Variants in GJB2 observed in about 807,000 individuals in gnomAD.
GJB2 encodes gap junction beta-2 protein.
In GJB2, 30 loss-of-function variants were observed where a neutral mutation model predicts 16.0. That is an observed-to-expected ratio of 1.88 (90% CI 1.41 to 2.55). The LOEUF (loss-of-function observed/expected upper bound fraction) is 2.55, where lower values mean the gene tolerates loss of function less well. GJB2 is among the 30% of genes most tolerant of loss of function. The pLI is 0.00. For missense variants in GJB2, 284 were observed against 289.7 expected (o/e 0.98, Z 0.14); for synonymous variants, 123 against 119.1 (o/e 1.03, Z -0.21).
rs1959052316 is a variant in GJB2, at chr13:20,188,550, T to A, written c.*351A>T. ...TCTGTGTCCTCTGTGGAACCTGGCTTTTTTCTCTTGTCCTCAGAGAAAGAA... is the reference window on the plus strand; with the variant it reads ...TCTGTGTCCTCTGTGGAACCTGGCTATTTTCTCTTGTCCTCAGAGAAAGAA... On this transcript the variant is annotated 3_prime_UTR_variant, in exon 2 of 2. Coordinates refer to ENST00000382848, the MANE Select transcript of GJB2 (RefSeq NM_004004.6). 8.3e-6 allele frequency: 2 copies of A among 240,182 alleles called. No individual in the cohort carries two copies. The highest frequency in any genetic ancestry group is 4.6e-5 in the African/African-American group (2 of 43,878). 14.9% of individuals were successfully genotyped at this position (240,182 alleles called of 1,614,324 possible). A position where few individuals can be genotyped will look rare whatever the true frequency, so the allele number is the denominator to read the frequency against.
chr13:20,192,294 C>A lies in GJB2; in HGVS notation c.-23+489G>T, dbSNP rs527523575. ...TAGGCAAACTCCGCCCAAATCTCTGCCCGGGGATTTTTCTGCAGAAGCCGC... is the reference window on the plus strand; with the variant it reads ...TAGGCAAACTCCGCCCAAATCTCTGACCGGGGATTTTTCTGCAGAAGCCGC... On this transcript the variant is annotated intron_variant, in intron 1 of 1. Transcript: ENST00000382848. Among the ~76,000 whole-genome samples, 64 of 152,328 alleles carry A rather than the reference C, an allele frequency of 4.2e-4. 1 individual carries two copies. In the South Asian group the frequency reaches 0.013, roughly 31 times the overall value.
chr13:20,189,536 G>A lies in GJB2; in HGVS notation c.46C>T (p.His16Tyr), dbSNP rs762466001. The change falls in exon 2 of 2, where the codon CAC becomes TAC. Residue 16 changes from histidine to tyrosine, a missense_variant. By Grantham distance (83) the His-to-Tyr change is moderately conservative. Transcript: ENST00000382848. ...CAGATCTTTCCAATGCTGGTGGAGT[G>A]TTTGTTCACACCCCCCAGGATCGTC... is the stretch of plus-strand genomic sequence containing the variant. The part of the protein sequence containing the change: ...LQTILGGVNK[H>Y]STSIGKIWLT... 6.2e-7 allele frequency: 1 copy of A among 1,614,066 alleles called. No individual in the cohort carries two copies. The highest frequency in any genetic ancestry group is 1.1e-5 in the South Asian group (1 of 91,074).
chr13:20,188,591 C>T lies in GJB2; in HGVS notation c.*310G>A. 1 of 337,196 alleles carries T rather than the reference C, an allele frequency of 3.0e-6. No individual in the cohort carries two copies. Among genetic ancestry groups the T allele is most frequent in the Non-Finnish European group, 5.4e-6 (1 of 183,720 alleles). The allele number at this position is 337,196 out of a possible 1,614,324, so 20.9% of individuals were successfully genotyped here. On this transcript the variant is annotated 3_prime_UTR_variant, in exon 2 of 2. Transcript: ENST00000382848. The stretch of plus-strand genomic sequence containing the variant: ...AGAGAAAGAAACAAATGCCGATATC[C>T]TCTGTTTAAAATATGAAAGTACCTT...
In GJB2 at chr13:20,187,532, T is replaced by C. The variant is rs180788420; in HGVS notation, c.*1369A>G. 1 of 152,356 alleles carries C rather than the reference T, an allele frequency of 6.6e-6. No individual in the cohort carries two copies. The allele number at this position is 152,356 out of a possible 1,614,324, so 9.4% of individuals were successfully genotyped here. A position where few individuals can be genotyped will look rare whatever the true frequency, so the allele number is the denominator to read the frequency against. On this transcript the variant is annotated 3_prime_UTR_variant, in exon 2 of 2. Coordinates refer to ENST00000382848, the MANE Select transcript of GJB2 (RefSeq NM_004004.6). ...TTGATACATTACAAAATTATTTTAGTTACAAGCATATCATTAAAGCTATTC... is the reference window on the plus strand; with the variant it reads ...TTGATACATTACAAAATTATTTTAGCTACAAGCATATCATTAAAGCTATTC...
Position 20,189,592 on chromosome 13 carries a change from G to A in GJB2, c.-11C>T. ...CGTGCCCCAATCCATCTTCTACTCTGGGCGGTTTGCTCTGGAAAAGACGAA... is the reference window on the plus strand; with the variant it reads ...CGTGCCCCAATCCATCTTCTACTCTAGGCGGTTTGCTCTGGAAAAGACGAA... On this transcript the variant is annotated 5_prime_UTR_variant, in exon 2 of 2. Transcript: ENST00000382848. The A allele has an allele frequency of 6.2e-7, 1 of 1,613,616 alleles. No homozygotes were observed. Among genetic ancestry groups the A allele is most frequent in the Non-Finnish European group, 8.5e-7 (1 of 1,179,724 alleles).
chr13:20,189,329 A>T lies in GJB2; in HGVS notation c.253T>A (p.Ser85Thr). Residue 85 changes from serine to threonine, a missense_variant, in exon 2 of 2, where the codon TCC becomes ACC. By Grantham distance (58) the Ser-to-Thr change is moderately conservative. Transcript: ENST00000382848. ...RLWALQLIFV[S>T]TPALLVAMHV... ...ATGGCCACTAGGAGCGCTGGCGTGG[A>T]CACGAAGATCAGCTGCAGGGCCCAT... The T allele has an allele frequency of 6.2e-7, 1 of 1,614,044 alleles. No individual in the cohort carries two copies. The highest frequency in any genetic ancestry group is 8.5e-7 in the Non-Finnish European group (1 of 1,180,014).
rs1203329629 is a variant in GJB2 at position 20,188,833 on chromosome 13, C to A, written c.*68G>T. On this transcript the variant is annotated 3_prime_UTR_variant, in exon 2 of 2. Transcript: ENST00000382848. ...GGAAATGCTAGCGACTGAGCCTTGA[C>A]AGCTGAGCACGGGTTGCCTCATCCC... 1.0e-5 allele frequency: 13 copies of A among 1,251,942 alleles called. No homozygotes were observed. In the East Asian group the frequency reaches 2.8e-4, roughly 27 times the overall value. 77.6% of individuals were successfully genotyped at this position (1,251,942 alleles called of 1,614,324 possible). A position where few individuals can be genotyped will look rare whatever the true frequency, so the allele number is the denominator to read the frequency against.
At chr13:20,191,245 A>C (rs1273266368) in intron 1 of GJB2, among the ~76,000 whole-genome samples, 1 of 152,138 alleles carries the variant, frequency 6.6e-6, no homozygotes, top group Non-Finnish European at 1.5e-5. Context: ...ATCTTATGGA[A>C]TTAGACATTC....
At chr13:20,190,187 C>T (rs79998404) in intron 1 of GJB2, among the ~76,000 whole-genome samples, 1,784 of 152,344 alleles carry the variant, frequency 0.012, 20 homozygotes, top group Non-Finnish European at 0.019. Context: ...TTTTCACAGA[C>T]GTGGCATGTA....
intron 1 of GJB2, among the ~76,000 whole-genome samples, chr13:20,190,616 G>T (rs987212826): frequency 6.6e-6 from 1 of 152,216 alleles, no homozygotes; most frequent in African/African-American, 2.4e-5. Flanking sequence ...AGCGGATGTG[G>T]AGAGGCCAGT....
At chr13:20,189,945 C>G (rs1463151875) in intron 1 of GJB2, among the ~76,000 whole-genome samples, 2 of 152,134 alleles carry the variant, frequency 1.3e-5, no homozygotes, top group Non-Finnish European at 2.9e-5. Flanking sequence ...GGGGTTCTGA[C>G]CGTACCCCTG....
In GJB2 at chr13:20,188,474, TAACGTGGGGA is replaced by T. The variant is rs1489072688; in HGVS notation, c.*417_*426del. On this transcript the variant is annotated 3_prime_UTR_variant, in exon 2 of 2. Transcript: ENST00000382848. ...AAATGAAAGAACCAATGTTCACCTTTAACGTGGGGAAAGTTGGCAAAAAGAACCCCAGGAG... is the reference window on the plus strand; with the variant it reads ...AAATGAAAGAACCAATGTTCACCTTTAAGTTGGCAAAAAGAACCCCAGGAG... The T allele has an allele frequency of 5.8e-6, 1 of 172,488 alleles. No individual in the cohort carries two copies. Among genetic ancestry groups the T allele is most frequent in the Non-Finnish European group, 1.2e-5 (1 of 80,750 alleles). 10.7% of individuals were successfully genotyped at this position (172,488 alleles called of 1,614,324 possible). A position where few individuals can be genotyped will look rare whatever the true frequency, so the allele number is the denominator to read the frequency against.
intron 1 of GJB2, among the ~76,000 whole-genome samples, chr13:20,190,188 G>A (rs562517303): frequency 1.3e-5 from 2 of 152,352 alleles, no homozygotes; most frequent in Middle Eastern, 3.4e-3. Context: ...TTTCACAGAC[G>A]TGGCATGTAG....
At chr13:20,190,960 C>A (rs1041818149) in intron 1 of GJB2, among the ~76,000 whole-genome samples, 4 of 152,220 alleles carry the variant, frequency 2.6e-5, no homozygotes, top group Non-Finnish European at 5.9e-5. Context: ...CATCCAGTGC[C>A]ACCTTGGTCA....
At chr13:20,191,665 A>G (rs949650746) in intron 1 of GJB2, among the ~76,000 whole-genome samples, 1 of 152,204 alleles carries the variant, frequency 6.6e-6, no homozygotes, top group African/African-American at 2.4e-5. Context: ...GGGCGGTTAC[A>G]TGCAGCTTCC....
chr13:20,192,614 C>A (rs966454529), intron 1 of GJB2, among the ~76,000 whole-genome samples, 169 bp downstream of exon 1: 73 of 152,190 alleles, frequency 4.8e-4, no homozygotes, highest in African/African-American at 1.7e-3. Flanking sequence ...GGAGCTCGGC[C>A]GCAGAAACGC....
At chr13:20,189,627 C>T (rs777563616) in intron 1 of GJB2, 24 bp from the exon 2 acceptor site, 1 of 1,518,846 alleles carries the variant, frequency 6.6e-7, no homozygotes, top group Middle Eastern at 2.0e-4. Flanking sequence ...ATGCACACAA[C>T]ACAGGAATCA....
In GJB2 at chr13:20,188,758, G is replaced by T; in HGVS notation, c.*143C>A. ...TGTGGCATCTGGAGTTTCACCTGAG[G>T]CCTACAGGGGTTTCAAATGGTTGCA... On this transcript the variant is annotated 3_prime_UTR_variant, in exon 2 of 2. Coordinates refer to ENST00000382848, the MANE Select transcript of GJB2 (RefSeq NM_004004.6). 1 of 691,744 alleles carries T rather than the reference G, an allele frequency of 1.4e-6. No individual in the cohort carries two copies. Among genetic ancestry groups the T allele is most frequent in the Non-Finnish European group, 2.6e-6 (1 of 388,850 alleles). 42.9% of individuals were successfully genotyped at this position (691,744 alleles called of 1,614,324 possible).
At position 20,189,477 on chromosome 13, in the gene GJB2, GATCATA is replaced by G. The variant is rs751509573; in HGVS notation, c.99_104del (p.Met34_Ile35del). ...ACACCTCCTTTGCAGCCACAACGAG[GATCATA>G]ATGCGAAAAATGAAGAGGACGGTGA... On this transcript the variant is annotated inframe_deletion, in exon 2 of 2. Coordinates refer to ENST00000382848, the MANE Select transcript of GJB2 (RefSeq NM_004004.6). 4.3e-6 allele frequency: 7 copies of G among 1,613,926 alleles called. No homozygotes were observed. Among genetic ancestry groups the G allele is most frequent in the Non-Finnish European group, 5.9e-6 (7 of 1,179,802 alleles).
Sources: gnomAD v4.1 joint callset for allele counts (sites outside exome capture counted in the v4.1 genomes callset) on GRCh38, gnomAD v4.1.1 for gene constraint, MANE v1.5 for transcripts, NCBI Gene and HGNC (gene_info 2026-07-23, HGNC 2026-07-21) for gene names.